The following IKZF1 variants were observed in gnomAD, a reference collection of about 807,000 sequenced individuals.
The protein encoded by IKZF1 is DNA-binding protein Ikaros.
A neutral mutation model predicts 51.7 loss-of-function variants in IKZF1; 10 were observed. The observed-to-expected ratio is 0.19, with a 90% CI of 0.12 to 0.33. The LOEUF is 0.33. Ranked by LOEUF, IKZF1 falls within the 10% of genes least tolerant of loss-of-function variation. IKZF1 has a pLI of 1.00. For synonymous variants in IKZF1, 280 were observed against 282.3 expected, an observed-to-expected ratio of 0.99 and a Z score of 0.08; for missense variants, 484 against 707.5, an observed-to-expected ratio of 0.68 and a Z score of 3.58.
chr7:50,316,656 G>T (rs1791633640), intron 1 of IKZF1, among the ~76,000 whole-genome samples: 1 of 152,250 alleles, frequency 6.6e-6, no homozygotes, highest in Non-Finnish European at 1.5e-5. Flanking sequence ...TTGGGGACCA[G>T]CCGAGGGCAG....
At chr7:50,360,747 T>C (rs12718598) in intron 3 of IKZF1, among the ~76,000 whole-genome samples, 75,833 of 152,196 alleles carry the variant, frequency 0.5, 19,238 homozygotes, top group Admixed American at 0.59. Context: ...CGCAGCCCCA[T>C]GTCGTCCCTT....
intron 3 of IKZF1, among the ~76,000 whole-genome samples, chr7:50,334,251 C>A (rs901790367): frequency 0.016 from 2,470 of 152,212 alleles, 70 homozygotes; most frequent in African/African-American, 0.056. Flanking sequence ...TGGAATAGAC[C>A]GGTGAGATCA....
At position 50,330,678 on chromosome 7, in the gene IKZF1, A is replaced by G. The variant is rs143843239; in HGVS notation, c.160+2921A>G. On this transcript the variant is annotated intron_variant, in intron 3 of 7. Transcript: ENST00000331340. ...GTGTACAGCATTAAATAAATGAAGT[A>G]TGTAGAGAACATTAGGAAACAATAT... is the stretch of plus-strand genomic sequence containing the variant. 3.1e-4 allele frequency among the ~76,000 whole-genome samples: 47 copies of G among 152,328 alleles called. No individual in the cohort carries two copies. The East Asian group carries it at 8.9e-3, about 29-fold the overall frequency.
At chr7:50,303,838 C>T (rs1788124306), upstream of IKZF1, among the ~76,000 whole-genome samples, 1 of 148,700 alleles carries the variant, frequency 6.7e-6, no homozygotes, top group Admixed American at 6.7e-5. The surrounding 1 kb of genome is among the most constrained non-coding windows in gnomAD (Gnocchi z 4.7). Context: ...GGCGCGCGTC[C>T]CCCTCCCCCT....
chr7:50,378,048 T>G (rs989703387), intron 4 of IKZF1, among the ~76,000 whole-genome samples: 2 of 152,234 alleles, frequency 1.3e-5, no homozygotes, highest in Admixed American at 6.5e-5. Context: ...AACAAAAATA[T>G]GTTCATCAAA....
In IKZF1 at chr7:50,400,160, G is replaced by A. The variant is rs2153518358; in HGVS notation, c.1093G>A (p.Ala365Thr). 6.4e-7 allele frequency: 1 copy of A among 1,562,570 alleles called. No homozygotes were observed. The highest frequency in any genetic ancestry group is 1.2e-5 in the South Asian group (1 of 85,326). The stretch of plus-strand genomic sequence containing the variant: ...GGGCACCCCGCGCTCCAACCACTCG[G>A]CCCAGGACAGCGCCGTGGAGAACCT... ...AEGTPRSNHS[A>T]QDSAVENLLL... The change falls in exon 8 of 8, where the codon GCC (alanine) becomes ACC (threonine). Residue 365 changes from alanine to threonine, a missense_variant. By Grantham distance (58) the Ala-to-Thr change is moderately conservative. This residue lies in a region of IKZF1 where 172 missense variants were observed against 192.7 expected (regional missense o/e 0.89). Transcript: ENST00000331340. The surrounding 1 kb of genome is among the most constrained non-coding windows in gnomAD (Gnocchi z 5.4).
At position 50,365,971 on chromosome 7, in the gene IKZF1, T is replaced by G. The variant is rs141439770; in HGVS notation, c.161-10562T>G. Among the ~76,000 whole-genome samples the G allele has an allele frequency of 7.9e-3, 1,204 of 152,344 alleles. 13 individuals are homozygous for G. Among genetic ancestry groups the G allele is most frequent in the African/African-American group, 0.023 (962 of 41,570 alleles). ...AGAAAAAGAATGAGATCATGCCCTT[T>G]GCAGGAACATGGATGGAGCTGGAGG... On this transcript the variant is annotated intron_variant, in intron 3 of 7. Coordinates refer to ENST00000331340, the MANE Select transcript of IKZF1 (RefSeq NM_006060.6).
At chr7:50,387,594 G>C in intron 6 of IKZF1, 124 bp downstream of exon 6, 1 of 1,371,616 alleles carries the variant, frequency 7.3e-7, no homozygotes, top group Non-Finnish European at 9.5e-7. Context: ...GGGCTAGGAG[G>C]GAGGGAAGTT....
chr7:50,398,377 AG>A (rs369430218), intron 7 of IKZF1, among the ~76,000 whole-genome samples: 47 of 152,096 alleles, frequency 3.1e-4, no homozygotes, highest in African/African-American at 1.1e-3. Context: ...GCCCCCACCT[AG>A]GGCTCTGGTT....
At chr7:50,346,295 G>A (rs776681681) in intron 3 of IKZF1, among the ~76,000 whole-genome samples, 4 of 152,136 alleles carry the variant, frequency 2.6e-5, no homozygotes, top group African/African-American at 4.8e-5. Flanking sequence ...TGATCACCTC[G>A]CCTATTGAGA....
At chr7:50,304,422 C>T (rs1195950524), upstream of IKZF1, 1 of 149,160 alleles carries the variant, frequency 6.7e-6, no homozygotes, top group African/African-American at 2.4e-5. Flanking sequence ...GTGCGTCACC[C>T]CAAAGTTTGC....
chr7:50,391,143 T>A (rs1441060452), intron 6 of IKZF1, among the ~76,000 whole-genome samples: 2 of 152,224 alleles, frequency 1.3e-5, no homozygotes, highest in Admixed American at 1.3e-4. Flanking sequence ...CATCAGCATT[T>A]ACCTCCATAA....
chr7:50,360,680 A>G (rs1804927901), intron 3 of IKZF1, among the ~76,000 whole-genome samples: 1 of 152,240 alleles, frequency 6.6e-6, no homozygotes, highest in Admixed American at 6.5e-5. Flanking sequence ...TAAACAGTTG[A>G]TCAAAGGCTC....
intron 3 of IKZF1, among the ~76,000 whole-genome samples, chr7:50,331,810 GT>G (rs1796498210): frequency 1.3e-5 from 2 of 152,220 alleles, no homozygotes; most frequent in Non-Finnish European, 2.9e-5. Flanking sequence ...GCAGCCCTCA[GT>G]TGGCCTCCAT....
At chr7:50,304,957 C>T (rs1486481999) in intron 1 of IKZF1, 35 bp downstream of exon 1, 3 of 152,256 alleles carry the variant, frequency 2.0e-5, no homozygotes, top group Non-Finnish European at 4.4e-5. Context: ...AATAGGAAAA[C>T]TTGGGGTAAC....
At chr7:50,340,356 G>T (rs1399197362) in intron 3 of IKZF1, among the ~76,000 whole-genome samples, 5 of 152,254 alleles carry the variant, frequency 3.3e-5, no homozygotes, top group African/African-American at 1.2e-4. Context: ...TGTGGCTGCA[G>T]GCTGTCGATT....
intron 3 of IKZF1, among the ~76,000 whole-genome samples, chr7:50,333,236 T>C (rs1170443767): frequency 1.3e-5 from 2 of 151,196 alleles, no homozygotes; most frequent in African/African-American, 4.9e-5. Flanking sequence ...GCAGTGGGAA[T>C]TGTAAGAGGA....
chr7:50,366,350 G>A (rs1334560533), intron 3 of IKZF1, among the ~76,000 whole-genome samples: 1 of 152,140 alleles, frequency 6.6e-6, no homozygotes, highest in South Asian at 2.1e-4. Flanking sequence ...GACAGAATTC[G>A]GTGTTTCAAG....
chr7:50,380,731 C>T (rs1811611689), intron 4 of IKZF1, among the ~76,000 whole-genome samples: 1 of 152,212 alleles, frequency 6.6e-6, no homozygotes, highest in Non-Finnish European at 1.5e-5. Context: ...TCCTTTTTAT[C>T]CACTTGGAGT....
Sources: allele counts gnomAD v4.1 joint callset (sites outside exome capture counted in the v4.1 genomes callset), GRCh38; gene constraint gnomAD v4.1.1; regional missense constraint gnomAD v4.1.1; non-coding constraint Gnocchi (gnomAD v3.1); transcripts MANE v1.5; gene names NCBI Gene and HGNC (gene_info 2026-07-23, HGNC 2026-07-21).